The following RBFOX1 variants were observed in gnomAD, a reference collection of about 807,000 sequenced individuals.
The protein encoded by RBFOX1 is RNA binding protein fox-1 homolog 1.
Under a neutral mutation model 57.7 loss-of-function variants are expected in RBFOX1, and 8 were observed. The ratio of observed to expected loss-of-function variants is 0.14; its 90% CI spans 0.08 to 0.25. RBFOX1 has a LOEUF of 0.25. Ranked by LOEUF, RBFOX1 falls within the 10% of genes least tolerant of loss-of-function variation. RBFOX1 has a pLI of 1.00. For synonymous variants in RBFOX1, 326 were observed against 222.4 expected (o/e 1.47, Z -4.15); for missense variants, 611 against 548.5 (o/e 1.11, Z -1.14).
At chr16:6,874,479 C>T (rs982587819) in intron 3 of RBFOX1, among the ~76,000 whole-genome samples, 1 of 140,744 alleles carries the variant, frequency 7.1e-6, no homozygotes, top group Non-Finnish European at 1.5e-5. Flanking sequence ...CCACTGCACT[C>T]CAGGCTGGGC....
At chr16:7,653,712 G>T in intron 11 of RBFOX1, 103 bp from the exon 12 acceptor site, 2 of 1,524,740 alleles carry the variant, frequency 1.3e-6, no homozygotes, top group South Asian at 1.2e-5. Flanking sequence ...GGGTCCTGCT[G>T]GGACCCTGTG....
At chr16:6,322,947 A>G (rs1048912085) in intron 2 of RBFOX1, among the ~76,000 whole-genome samples, 4 of 152,098 alleles carry the variant, frequency 2.6e-5, no homozygotes, top group African/African-American at 9.7e-5. Flanking sequence ...CTGGCCACCA[A>G]CCACCCCCAC....
intron 1 of RBFOX1, among the ~76,000 whole-genome samples, chr16:6,219,595 C>G (rs552784966): frequency 2.0e-5 from 3 of 152,086 alleles, no homozygotes; most frequent in Non-Finnish European, 2.9e-5. Flanking sequence ...TGAGAATAGG[C>G]TGAGCGTGGT....
At chr16:7,588,238 C>G (rs1042365635) in intron 7 of RBFOX1, among the ~76,000 whole-genome samples, 2 of 152,108 alleles carry the variant, frequency 1.3e-5, no homozygotes, top group Non-Finnish European at 2.9e-5. Flanking sequence ...AGAAACATTT[C>G]TAAAACCTCC....
intron 3 of RBFOX1, among the ~76,000 whole-genome samples, chr16:6,983,217 C>T (rs984285128): frequency 1.3e-5 from 2 of 152,060 alleles, no homozygotes; most frequent in African/African-American, 4.8e-5. Context: ...GACTCTGTCA[C>T]CCGCTTTATC....
At chr16:5,912,336 T>C (rs746808763) in intron 4 of RBFOX1, among the ~76,000 whole-genome samples, 26 of 152,164 alleles carry the variant, frequency 1.7e-4, no homozygotes, top group Admixed American at 6.5e-4. Flanking sequence ...TTGTTTTCCG[T>C]TTGTGTCCCA....
intron 3 of RBFOX1, among the ~76,000 whole-genome samples, chr16:5,811,011 G>T (rs1308181881): frequency 6.6e-6 from 1 of 152,052 alleles, no homozygotes; most frequent in African/African-American, 2.4e-5. Context: ...GTTTGTTTGT[G>T]TACCTTTGCA....
chr16:7,020,168 T>A (rs910874227), intron 3 of RBFOX1, among the ~76,000 whole-genome samples: 2 of 152,142 alleles, frequency 1.3e-5, no homozygotes, highest in African/African-American at 4.8e-5. Flanking sequence ...ATGCCATCTT[T>A]ATACCTCTGT....
At chr16:5,557,023 G>C (rs1010558982) in intron 2 of RBFOX1, among the ~76,000 whole-genome samples, 4 of 152,142 alleles carry the variant, frequency 2.6e-5, no homozygotes, top group African/African-American at 9.7e-5. Flanking sequence ...ACTTTGGGAG[G>C]CTGAGGCAGG....
At chr16:6,814,651 G>T (rs1467044847) in intron 3 of RBFOX1, among the ~76,000 whole-genome samples, 1 of 152,178 alleles carries the variant, frequency 6.6e-6, no homozygotes, top group Non-Finnish European at 1.5e-5. Flanking sequence ...GGACAAAGAG[G>T]CTAAGGGGGA....
intron 1 of RBFOX1, among the ~76,000 whole-genome samples, chr16:6,163,633 T>C (rs2096895245): frequency 6.6e-6 from 1 of 152,214 alleles, no homozygotes; most frequent in African/African-American, 2.4e-5. Flanking sequence ...AGCCTCAAGA[T>C]AGCAGAGACT....
chr16:7,708,803 G>A (rs1409609262), intron 14 of RBFOX1, among the ~76,000 whole-genome samples: 2 of 136,918 alleles, frequency 1.5e-5, no homozygotes, highest in Non-Finnish European at 3.1e-5. Context: ...GGGAGGCAGG[G>A]AAAAGCATAT....
rs1555505945 is a variant in RBFOX1, at chr16:6,097,460, C to T, written c.-127+77468C>T. 6.6e-6 allele frequency among the ~76,000 whole-genome samples: 1 copy of T among 152,144 alleles called. No individual in the cohort carries two copies. Among genetic ancestry groups the T allele is most frequent in the Non-Finnish European group, 1.5e-5 (1 of 68,024 alleles). Reference sequence around the variant, plus strand: ...GTGAGAGATGCAGATTCTTGGTGCCCATCCAAACCTACAGAAGCAGAATCT... The same window carrying T: ...GTGAGAGATGCAGATTCTTGGTGCCTATCCAAACCTACAGAAGCAGAATCT... On this transcript the variant is annotated intron_variant, in intron 1 of 15. Coordinates refer to ENST00000550418, the MANE Select transcript of RBFOX1 (RefSeq NM_018723.4). This position sits in a 1 kb window ranked among gnomAD's most constrained non-coding sequence, Gnocchi z 5.0.
At chr16:6,179,612 C>G (rs1057282547) in intron 1 of RBFOX1, among the ~76,000 whole-genome samples, 3 of 152,178 alleles carry the variant, frequency 2.0e-5, no homozygotes, top group Admixed American at 6.5e-5. Flanking sequence ...GCATGGATGC[C>G]TACAGCAACA....
At chr16:6,552,033 A>T (rs2052234) in intron 2 of RBFOX1, among the ~76,000 whole-genome samples, 4,136 of 152,312 alleles carry the variant, frequency 0.027, 167 homozygotes, top group South Asian at 0.073. Flanking sequence ...AGAGGAAAGG[A>T]TGAATTTCCA....
chr16:7,028,456 T>C (rs8046957), intron 3 of RBFOX1, among the ~76,000 whole-genome samples: 2 of 150,936 alleles, frequency 1.3e-5, no homozygotes, highest in Non-Finnish European at 1.5e-5. Flanking sequence ...GCGTGGTGGC[T>C]CATGCCTGTA....
chr16:7,406,262 G>A (rs1011453527), intron 4 of RBFOX1, among the ~76,000 whole-genome samples: 2 of 152,260 alleles, frequency 1.3e-5, no homozygotes, highest in Middle Eastern at 6.8e-3. Context: ...TATGCCATGG[G>A]CCTACTATGT....
chr16:7,448,927 G>GTTTT lies in RBFOX1; in HGVS notation c.28-69204_28-69201dup, dbSNP rs71147700. On this transcript the variant is annotated intron_variant, in intron 4 of 15. Transcript: ENST00000550418. ...CTTGGTAGACATTTTTCTTTCCCCT[G>GTTTT]TTTTTTTTTTTTTTTTTTTGAGATG... Among the ~76,000 whole-genome samples, 441 of 82,970 alleles carry GTTTT rather than the reference G, an allele frequency of 5.3e-3. 55 individuals carry two copies. Among genetic ancestry groups the GTTTT allele is most frequent in the African/African-American group, 0.014 (304 of 21,844 alleles). The allele number at this position is 82,970 out of a possible 152,430, so 54.4% of individuals were successfully genotyped here.
chr16:5,714,681 A>G (rs1478213898), intron 3 of RBFOX1, among the ~76,000 whole-genome samples: 1 of 152,250 alleles, frequency 6.6e-6, no homozygotes, highest in African/African-American at 2.4e-5. Flanking sequence ...AAGAGTATAA[A>G]CAGTTTGTGG....
Sources: gnomAD v4.1 joint callset for allele counts (sites outside exome capture counted in the v4.1 genomes callset) on GRCh38, gnomAD v4.1.1 for gene constraint, Gnocchi (gnomAD v3.1) non-coding constraint, MANE v1.5 for transcripts, NCBI Gene and HGNC (gene_info 2026-07-23, HGNC 2026-07-21) for gene names.